Variants in IGSF10 observed in about 807,000 individuals in gnomAD.
The protein encoded by IGSF10 is calvaria mechanical force protein 608.
A neutral mutation model predicts 128.2 loss-of-function variants in IGSF10; 126 were observed. The ratio of observed to expected loss-of-function variants is 0.98; its 90% CI spans 0.85 to 1.14. The LOEUF is 1.14. Ranked by LOEUF, IGSF10 falls within the 50% of genes most tolerant of loss-of-function variation. The probability of loss-of-function intolerance (pLI) is 0.00; values close to 1 mark genes in which losing one functional copy is unlikely to be tolerated. For synonymous variants in IGSF10, 1,185 were observed against 1,146.2 expected, an observed-to-expected ratio of 1.03 and a Z score of -0.68; for missense variants, 3,295 against 3,149.8, an observed-to-expected ratio of 1.05 and a Z score of -1.10.
the IGSF10 span, among the ~76,000 whole-genome samples, chr3:151,590,462 C>A: frequency 1.3e-5 from 2 of 152,098 alleles, no homozygotes; most frequent in Non-Finnish European, 2.9e-5. Flanking sequence ...TCAAACAATG[C>A]AAGCATTATT....
chr3:151,570,427 C>G, the IGSF10 span, among the ~76,000 whole-genome samples: 1 of 152,350 alleles, frequency 6.6e-6, no homozygotes, highest in East Asian at 1.9e-4. Context: ...GATCGCCATT[C>G]TAACCGGTGT....
chr3:151,586,365 T>C, the IGSF10 span, among the ~76,000 whole-genome samples: 9 of 152,208 alleles, frequency 5.9e-5, no homozygotes, highest in African/African-American at 1.9e-4. Flanking sequence ...CTTTTTACCT[T>C]GCTAGTATTT....
downstream of IGSF10, chr3:151,433,488 T>TAA (rs1346682791): frequency 2.0e-5 from 3 of 152,648 alleles, no homozygotes; most frequent in African/African-American, 7.2e-5. Flanking sequence ...AGAGCCGCCC[T>TAA]AAGATGTGCG....
chr3:151,617,315 T>C, the IGSF10 span, among the ~76,000 whole-genome samples: 452 of 108,316 alleles, frequency 4.2e-3, 21 homozygotes, highest in African/African-American at 0.014. Context: ...TTCTTCTTCT[T>C]CTTCCCCTCC....
the IGSF10 span, among the ~76,000 whole-genome samples, chr3:151,479,205 A>G: frequency 6.6e-6 from 1 of 152,128 alleles, no homozygotes; most frequent in Admixed American, 6.5e-5. Flanking sequence ...ATTAAACACA[A>G]TACTAGATGG....
At chr3:151,469,117 G>T in the IGSF10 span, among the ~76,000 whole-genome samples, 2,643 of 152,302 alleles carry the variant, frequency 0.017, 50 homozygotes, top group African/African-American at 0.044. Context: ...ACTTACCACA[G>T]TTTCTTTATT....
the IGSF10 span, among the ~76,000 whole-genome samples, chr3:151,599,231 T>C: frequency 1.3e-5 from 2 of 151,732 alleles, no homozygotes; most frequent in Admixed American, 1.3e-4. Context: ...TCAGAGTTGT[T>C]AGAGCAAAAA....
chr3:151,463,522 G>GGGTTTTTTTTTTT (rs1722141649), upstream of IGSF10, among the ~76,000 whole-genome samples: 6 of 31,876 alleles, frequency 1.9e-4, no homozygotes, highest in South Asian at 1.2e-3. Flanking sequence ...TACATTTTCT[G>GGGTTTTTTTTTTT]GTTTTTTTTT....
chr3:151,548,175 C>G, the IGSF10 span, among the ~76,000 whole-genome samples: 2 of 152,158 alleles, frequency 1.3e-5, no homozygotes, highest in Admixed American at 1.3e-4. Context: ...CATGGGGACA[C>G]TTGTTTGCGG....
the IGSF10 span, among the ~76,000 whole-genome samples, chr3:151,569,592 C>T: frequency 1.8e-4 from 28 of 152,200 alleles, no homozygotes; most frequent in African/African-American, 6.7e-4. Context: ...ATGTGTTCTA[C>T]AGGCTAGAGA....
downstream of IGSF10, chr3:151,434,468 C>T (rs1719870874): frequency 6.6e-6 from 1 of 152,220 alleles, no homozygotes; most frequent in African/African-American, 2.4e-5. Context: ...AAGACTTTGC[C>T]AAAACATTAA....
the IGSF10 span, among the ~76,000 whole-genome samples, chr3:151,504,862 CTCCAGTTCTCAG>C: frequency 1.3e-5 from 2 of 152,356 alleles, no homozygotes; most frequent in Admixed American, 6.5e-5. Flanking sequence ...GAGACCTTTT[CTCCAGTTCTCAG>C]TAAGTTCCTC....
upstream of IGSF10, among the ~76,000 whole-genome samples, chr3:151,462,717 G>A (rs940414345): frequency 6.6e-6 from 1 of 152,196 alleles, no homozygotes; most frequent in Non-Finnish European, 1.5e-5. Flanking sequence ...GAGCATTCAT[G>A]TGATTTATGG....
chr3:151,518,800 A>G, the IGSF10 span, among the ~76,000 whole-genome samples: 2 of 151,894 alleles, frequency 1.3e-5, no homozygotes, highest in Non-Finnish European at 2.9e-5. Context: ...GATAACTAAG[A>G]GTCACTCTAT....
chr3:151,611,978 C>T, the IGSF10 span, among the ~76,000 whole-genome samples: 1 of 152,126 alleles, frequency 6.6e-6, no homozygotes. Flanking sequence ...AAATCAATTA[C>T]ATGTGGAAAG....
the IGSF10 span, among the ~76,000 whole-genome samples, chr3:151,505,267 C>T: frequency 0.86 from 130,371 of 152,208 alleles, 56,051 homozygotes; most frequent in Middle Eastern, 0.95. Flanking sequence ...AACATGTCCT[C>T]CTTCACATGG....
Position 151,438,187 on chromosome 3 carries a change from A to G in IGSF10, c.6374T>C (p.Leu2125Pro). Residue 2125 changes from leucine (L) to proline (P), a missense_variant, in exon 8 of 8, where the codon CTA becomes CCA. Leu to Pro is a moderately conservative substitution (Grantham distance 98). Coordinates refer to ENST00000282466, the MANE Select transcript of IGSF10 (RefSeq NM_178822.5). ...GTGGACCTTCATTTCATCTTTCCCT[A>G]GGGTGTTCTGGGCATAGCAAGTATA... ...GDYTCYAQNT[L>P]GKDEMKVHLT... 6.2e-7 allele frequency: 1 copy of G among 1,614,096 alleles called. No homozygotes were observed. Among genetic ancestry groups the G allele is most frequent in the South Asian group, 1.1e-5 (1 of 91,080 alleles).
the IGSF10 span, among the ~76,000 whole-genome samples, chr3:151,486,974 T>C: frequency 6.6e-6 from 1 of 151,412 alleles, no homozygotes; most frequent in African/African-American, 2.4e-5. Context: ...AGACAAGAAA[T>C]AACTAAGATC....
the IGSF10 span, among the ~76,000 whole-genome samples, chr3:151,517,097 T>G: frequency 1.3e-5 from 2 of 152,064 alleles, no homozygotes; most frequent in Non-Finnish European, 2.9e-5. Context: ...TTATCCTTCA[T>G]GATAAGTTCT....
Sources: gnomAD v4.1 joint callset for allele counts (sites outside exome capture counted in the v4.1 genomes callset) on GRCh38, gnomAD v4.1.1 for gene constraint, MANE v1.5 for transcripts, NCBI Gene and HGNC (gene_info 2026-07-23, HGNC 2026-07-21) for gene names.